The following TTI1 variants were observed in gnomAD, a reference collection of about 807,000 sequenced individuals.
TTI1 encodes TELO2-interacting protein 1 homolog.
Under a neutral mutation model 85.4 loss-of-function variants are expected in TTI1, and 52 were observed. The ratio of observed to expected loss-of-function variants is 0.61; its 90% CI spans 0.49 to 0.77. The LOEUF (loss-of-function observed/expected upper bound fraction) is 0.77, where lower values mean the gene tolerates loss of function less well. TTI1 is among the 30% of genes least tolerant of loss of function. The probability of loss-of-function intolerance (pLI) is 0.00; values close to 1 mark genes in which losing one functional copy is unlikely to be tolerated. For synonymous variants in TTI1, 512 were observed against 503.9 expected (o/e 1.02, Z -0.22); for missense variants, 1,173 against 1,296.0 (o/e 0.91, Z 1.46).
intron 7 of TTI1, among the ~76,000 whole-genome samples, chr20:37,986,520 C>A (rs1344135654): frequency 6.6e-6 from 1 of 152,210 alleles, no homozygotes; most frequent in Non-Finnish European, 1.5e-5. Flanking sequence ...GGTCTCATTT[C>A]TTTGCTTTTA....
In TTI1 at chr20:37,983,304, C is replaced by G; in HGVS notation, c.*152G>C. On this transcript the variant is annotated 3_prime_UTR_variant, in exon 8 of 8. Coordinates refer to ENST00000373447, the MANE Select transcript of TTI1 (RefSeq NM_001303457.2). ...TACTTTCCTTCAATCCATTTCTAAG[C>G]AGTTGTGTGATCGATCAATTTATAA... The G allele has an allele frequency of 1.4e-6, 1 of 702,854 alleles. No individual in the cohort carries two copies. Among genetic ancestry groups the G allele is most frequent in the Non-Finnish European group, 2.3e-6 (1 of 437,440 alleles). The allele number at this position is 702,854 out of a possible 1,614,324, so 43.5% of individuals were successfully genotyped here.
Position 38,012,023 on chromosome 20 carries a change from A to C in TTI1, c.1794T>G (p.Gly598=). The C allele has an allele frequency of 6.2e-7, 1 of 1,614,254 alleles. No homozygotes were observed. The highest frequency in any genetic ancestry group is 1.1e-5 in the South Asian group (1 of 91,088). ...EHPGLQAITS[G]EHTCQVTSFL... ...AAGATGTAACTTGGCAGGTGTGTTC[A>C]CCAGACGTGATGGCTTGGAGGCCTG... is the stretch of plus-strand genomic sequence containing the variant. Residue 598 remains glycine, a synonymous_variant, in exon 2 of 8, where the codon GGT becomes GGG. Coordinates refer to ENST00000373447, the MANE Select transcript of TTI1 (RefSeq NM_001303457.2).
At chr20:38,002,832 C>T (rs2073445789) in intron 3 of TTI1, 56 bp from the exon 4 acceptor site, 1 of 1,594,376 alleles carries the variant, frequency 6.3e-7, no homozygotes, top group Non-Finnish European at 8.6e-7. Flanking sequence ...ACAGAGATAC[C>T]TAAATTTCTG....
At chr20:38,005,581 A>G (rs1341524797) in intron 3 of TTI1, among the ~76,000 whole-genome samples, 2 of 152,162 alleles carry the variant, frequency 1.3e-5, no homozygotes, top group Non-Finnish European at 2.9e-5. Flanking sequence ...AACAAGACCC[A>G]TTTTTCACCT....
At position 38,011,403 on chromosome 20, in the gene TTI1, T is replaced by C. The variant is rs2073584586; in HGVS notation, c.2302+112A>G. 5.7e-6 allele frequency: 7 copies of C among 1,232,306 alleles called. No individual in the cohort carries two copies. In the South Asian group the frequency reaches 1.1e-4, roughly 19 times the overall value. 76.3% of individuals were successfully genotyped at this position (1,232,306 alleles called of 1,614,324 possible). On this transcript the variant is annotated intron_variant, in intron 2 of 7. Transcript: ENST00000373447. ...CCTATGGGACTGGAGAGAAAATGAT[T>C]AAAACGTCCTCCATAGCATCACCAC...
chr20:38,032,033 T>C (rs1022987346), intron 1 of TTI1, among the ~76,000 whole-genome samples: 2 of 152,198 alleles, frequency 1.3e-5, no homozygotes, highest in Non-Finnish European at 2.9e-5. Context: ...ACTCACTGTA[T>C]GATTTTAGGT....
chr20:38,024,614 C>A (rs1473409852), intron 1 of TTI1, among the ~76,000 whole-genome samples: 1 of 152,122 alleles, frequency 6.6e-6, no homozygotes, highest in Non-Finnish European at 1.5e-5. Flanking sequence ...CCTCGCAAGA[C>A]AAAAAACTTT....
At chr20:37,995,463 G>A (rs553202042) in intron 7 of TTI1, among the ~76,000 whole-genome samples, 3 of 152,352 alleles carry the variant, frequency 2.0e-5, no homozygotes, top group South Asian at 4.1e-4. Flanking sequence ...TAGAAGCTAG[G>A]AAGATGCAGG....
intron 2 of TTI1, among the ~76,000 whole-genome samples, chr20:38,008,775 A>G (rs1460525080): frequency 6.6e-6 from 1 of 152,250 alleles, no homozygotes; most frequent in Non-Finnish European, 1.5e-5. Flanking sequence ...AAATGACAGC[A>G]AAAGGTACTA....
At chr20:38,010,931 C>T (rs138500005) in intron 2 of TTI1, among the ~76,000 whole-genome samples, 1 of 152,266 alleles carries the variant, frequency 6.6e-6, no homozygotes, top group Non-Finnish European at 1.5e-5. Flanking sequence ...CTACATGTGG[C>T]TATTAAAATT....
At position 37,983,509 on chromosome 20, in the gene TTI1, G is replaced by T. The variant is rs2073149181; in HGVS notation, c.3217C>A (p.Gln1073Lys). ...ACGTTGGTCGTGTAGGGGTTCTGCT[G>T]CCCGCTGGCCCCGTGCAGCTGCACA... ...HPVQLHGASGQQNPYTTNVLQ... is the reference protein window; with the variant it reads ...HPVQLHGASGKQNPYTTNVLQ... The change falls in exon 8 of 8, where the codon CAG becomes AAG. Residue 1073 changes from glutamine to lysine, a missense_variant. Physicochemically the swap from Gln to Lys is moderately conservative, Grantham distance 53. Coordinates refer to ENST00000373447, the MANE Select transcript of TTI1 (RefSeq NM_001303457.2). The T allele has an allele frequency of 6.2e-7, 1 of 1,611,324 alleles. No homozygotes were observed. The highest frequency in any genetic ancestry group is 8.5e-7 in the Non-Finnish European group (1 of 1,179,584).
intron 5 of TTI1, 29 bp from the exon 6 acceptor site, chr20:37,996,982 T>G (rs1259956491): frequency 4.4e-6 from 7 of 1,605,502 alleles, no homozygotes; most frequent in Middle Eastern, 1.6e-4. Flanking sequence ...ACCTGGTGAG[T>G]GAACATTGCC....
At chr20:38,020,323 A>AATATATATATATATATATATAT (rs1159604655) in intron 1 of TTI1, among the ~76,000 whole-genome samples, 27 of 50,340 alleles carry the variant, frequency 5.4e-4, no homozygotes, top group South Asian at 2.8e-3. Flanking sequence ...AAAAAAAAAA[A>AATATATATATATATATATATAT]ATATATATAT....
At chr20:37,985,188 G>C (rs183245772) in intron 7 of TTI1, among the ~76,000 whole-genome samples, 184 of 152,290 alleles carry the variant, frequency 1.2e-3, no homozygotes, top group Non-Finnish European at 1.6e-3. Flanking sequence ...TCAGGGTTTT[G>C]CTGAGGTTTA....
intron 7 of TTI1, among the ~76,000 whole-genome samples, chr20:37,994,145 T>G (rs2073305504): frequency 6.6e-6 from 1 of 152,100 alleles, no homozygotes; most frequent in African/African-American, 2.4e-5. Context: ...TCCTCAGTAC[T>G]AGTAGGTATG....
At chr20:38,009,653 G>C (rs971791011) in intron 2 of TTI1, among the ~76,000 whole-genome samples, 2 of 151,752 alleles carry the variant, frequency 1.3e-5, no homozygotes, top group Non-Finnish European at 2.9e-5. Context: ...GGCATGTACC[G>C]CCACTCCCAA....
chr20:38,028,187 G>T (rs1171909570), intron 1 of TTI1, among the ~76,000 whole-genome samples: 1 of 152,170 alleles, frequency 6.6e-6, no homozygotes, highest in Non-Finnish European at 1.5e-5. Flanking sequence ...AACTATAATT[G>T]TATTAAGCAT....
At chr20:38,000,059 G>A (rs964086588) in intron 4 of TTI1, among the ~76,000 whole-genome samples, 1 of 152,184 alleles carries the variant, frequency 6.6e-6, no homozygotes, top group Non-Finnish European at 1.5e-5. Context: ...GCCGCGTGAT[G>A]GCGGCAGAGG....
rs1445618401 is a variant in TTI1 at position 37,983,384 on chromosome 20, G to A, written c.*72C>T. The stretch of plus-strand genomic sequence containing the variant: ...GCTGCCGCTGCCACCGCCTATGGCC[G>A]GGGTGGGGTCAGCCCAGCTTCTGGC... On this transcript the variant is annotated 3_prime_UTR_variant, in exon 8 of 8. Transcript: ENST00000373447. 15 of 1,500,466 alleles carry A rather than the reference G, an allele frequency of 1.0e-5. No individual in the cohort carries two copies. The highest frequency in any genetic ancestry group is 4.2e-5 in the African/African-American group (3 of 71,190). 92.9% of individuals were successfully genotyped at this position (1,500,466 alleles called of 1,614,324 possible). A position where few individuals can be genotyped will look rare whatever the true frequency, so the allele number is the denominator to read the frequency against.
Sources: allele counts gnomAD v4.1 joint callset (sites outside exome capture counted in the v4.1 genomes callset), GRCh38; gene constraint gnomAD v4.1.1; transcripts MANE v1.5; gene names NCBI Gene and HGNC (gene_info 2026-07-23, HGNC 2026-07-21).